Variants in MMS19 observed in about 807,000 individuals in gnomAD.
MMS19 encodes the protein MMS19 nucleotide excision repair protein homolog.
A neutral mutation model predicts 129.8 loss-of-function variants in MMS19; 77 were observed. The observed-to-expected ratio is 0.59, with a 90% confidence interval of 0.49 to 0.72. MMS19 has a LOEUF of 0.72. MMS19 is among the 30% of genes least tolerant of loss of function. The pLI, the probability that MMS19 is intolerant of heterozygous loss-of-function variation, is 0.00. For synonymous variants in MMS19, 491 were observed against 502.8 expected (o/e 0.98, Z 0.31); for missense variants, 1,168 against 1,266.3 (o/e 0.92, Z 1.18).
At chr10:97,481,575 AG>A (rs2135443716) in intron 2 of MMS19, among the ~76,000 whole-genome samples, 1 of 152,338 alleles carries the variant, frequency 6.6e-6, no homozygotes, top group South Asian at 2.1e-4. Context: ...AAGGTTACAA[AG>A]TAAGAGGGCC....
At chr10:97,494,346 C>T (rs926108305) in intron 1 of MMS19, among the ~76,000 whole-genome samples, 19 of 152,132 alleles carry the variant, frequency 1.2e-4, no homozygotes, top group Non-Finnish European at 2.1e-4. Flanking sequence ...AATGCACAAA[C>T]AGATCTCTGT....
intron 2 of MMS19, among the ~76,000 whole-genome samples, chr10:97,483,689 AG>A (rs1212721007): frequency 2.0e-5 from 3 of 152,240 alleles, no homozygotes; most frequent in African/African-American, 7.2e-5. Flanking sequence ...GATCTGCAGC[AG>A]GGTCAGCCTC....
chr10:97,491,945 A>G (rs760881026), intron 1 of MMS19, among the ~76,000 whole-genome samples: 106 of 151,194 alleles, frequency 7.0e-4, no homozygotes, highest in Admixed American at 1.2e-3. Flanking sequence ...GTTTGAGACC[A>G]GTCTGGCCAA....
Position 97,476,890 on chromosome 10 carries a change from A to T in MMS19, c.567T>A (p.Asn189Lys). Residue 189 changes from asparagine (N) to lysine (K), a missense_variant, in exon 7 of 31, where the codon AAT becomes AAA. Asn to Lys is a moderately conservative substitution (Grantham distance 94, BLOSUM62 0). Around this residue, in one of 3 missense-constraint regions of MMS19, gnomAD observed 329 missense variants for 328.6 expected, o/e 1.00. Transcript: ENST00000438925. ...QVMDGEKDPR[N>K]LLVAFRIVHD... ...GGACGATGCGGAAGGCCACCAGAAGATTACGGGGATCCTTTTCCCCATCCA... is the reference window on the plus strand; with the variant it reads ...GGACGATGCGGAAGGCCACCAGAAGTTTACGGGGATCCTTTTCCCCATCCA... The T allele has an allele frequency of 6.2e-7, 1 of 1,613,978 alleles. No individual in the cohort carries two copies. Among genetic ancestry groups the T allele is most frequent in the Non-Finnish European group, 8.5e-7 (1 of 1,179,882 alleles).
intron 2 of MMS19, among the ~76,000 whole-genome samples, chr10:97,483,364 A>C (rs2037235834): frequency 6.6e-6 from 1 of 152,070 alleles, no homozygotes; most frequent in Non-Finnish European, 1.5e-5. Context: ...AATACTGTAT[A>C]TATTTTTTTT....
At position 97,466,776 on chromosome 10, in the gene MMS19, C is replaced by T; in HGVS notation, c.1423G>A (p.Asp475Asn). ...RTLTVLGAQP[D>N]LLSYEDLELA... ...CTCTTCTCTTTCCCTTAAGATGTAC[C>T]TGGCTGGGCACCCAAGACTGTCAGT... is the stretch of plus-strand genomic sequence containing the variant. The change falls in exon 15 of 31, where the codon GAT becomes AAT. Residue 475 changes from aspartate to asparagine, a missense_variant and splice_region_variant. Coordinates refer to ENST00000438925, the MANE Select transcript of MMS19 (RefSeq NM_022362.5). 7.4e-6 allele frequency: 12 copies of T among 1,614,014 alleles called. No homozygotes were observed. Among genetic ancestry groups the T allele is most frequent in the South Asian group, 1.1e-5 (1 of 91,082 alleles).
chr10:97,475,461 G>A (rs1464360637), intron 8 of MMS19, among the ~76,000 whole-genome samples: 2 of 152,216 alleles, frequency 1.3e-5, no homozygotes, highest in East Asian at 1.9e-4. Context: ...TAAAGGCTGG[G>A]CATGGTGGCC....
Position 97,459,430 on chromosome 10 carries a change from G to T in MMS19, c.2836C>A (p.Gln946Lys). 6.2e-7 allele frequency: 1 copy of T among 1,609,658 alleles called. No individual in the cohort carries two copies. Residue 946 changes from glutamine to lysine, a missense_variant, in exon 28 of 31, where the codon CAA becomes AAA. Physicochemically the swap from Gln to Lys is moderately conservative, Grantham distance 53. Around this residue, in one of 3 missense-constraint regions of MMS19, gnomAD observed 831 missense variants for 910.8 expected, o/e 0.91. Transcript: ENST00000438925. ...GTGTCCACGTGAAGACTCATGACTT[G>T]GGGTGCTTCCAGTAGAAGAGGCTGA... The part of the protein sequence containing the change: ...CLQPLLLEAP[Q>K]VMSLHVDTLV...
intron 26 of MMS19, 26 bp downstream of exon 26, chr10:97,460,020 T>C: frequency 4.3e-6 from 7 of 1,609,550 alleles, no homozygotes; most frequent in Non-Finnish European, 5.9e-6. Flanking sequence ...TGTGTATATG[T>C]GGGGACCTTC....
intron 29 of MMS19, 76 bp from the exon 30 acceptor site, chr10:97,458,976 C>A: frequency 7.0e-7 from 1 of 1,430,254 alleles, no homozygotes; most frequent in Non-Finnish European, 9.7e-7. Context: ...TTCTGTACAA[C>A]TAATATTCTG....
intron 22 of MMS19, 21 bp downstream of exon 22, chr10:97,461,807 T>C (rs763773924): frequency 6.2e-7 from 1 of 1,601,942 alleles, no homozygotes; most frequent in African/African-American, 1.3e-5. Context: ...ATAACAGTAC[T>C]TCCCAAATGT....
intron 8 of MMS19, among the ~76,000 whole-genome samples, chr10:97,473,806 T>C (rs1252723070): frequency 2.0e-5 from 3 of 151,960 alleles, no homozygotes; most frequent in Non-Finnish European, 4.4e-5. Flanking sequence ...AACAGCAGAG[T>C]TGAGGAGACC....
At chr10:97,498,778 G>GCGGCGGCGCGGGCACCGC (rs2040262558), upstream of MMS19, 1 of 270,562 alleles carries the variant, frequency 3.7e-6, no homozygotes, top group East Asian at 8.1e-5. Context: ...GCGGGTGGTG[G>GCGGCGGCGCGGGCACCGC]CGGCGGCGCG....
chr10:97,483,306 G>A (rs1422716065), intron 2 of MMS19, among the ~76,000 whole-genome samples: 2 of 151,974 alleles, frequency 1.3e-5, no homozygotes, highest in African/African-American at 4.8e-5. Flanking sequence ...CACCTTCTTC[G>A]GCCTCTCAAA....
At chr10:97,488,593 C>T (rs2038321735) in intron 1 of MMS19, among the ~76,000 whole-genome samples, 1 of 152,208 alleles carries the variant, frequency 6.6e-6, no homozygotes, top group Admixed American at 6.5e-5. Context: ...TTTAAATCAT[C>T]TCTAGATTAC....
In MMS19 at chr10:97,461,838, A is replaced by C; in HGVS notation, c.2174T>G (p.Leu725Arg). The change falls in exon 22 of 31, where the codon CTG (leucine) becomes CGG (arginine). Residue 725 changes from leucine to arginine, a missense_variant. Around this residue, in one of 3 missense-constraint regions of MMS19, gnomAD observed 831 missense variants for 910.8 expected, o/e 0.91. Transcript: ENST00000438925. ...AATGTGCTCACTTACATTTCGAGGCAGGGAGCAGACAAAGGCCATAAGCAG... is the reference window on the plus strand; with the variant it reads ...AATGTGCTCACTTACATTTCGAGGCCGGGAGCAGACAAAGGCCATAAGCAG... ...IALLMAFVCS[L>R]PRNVEIPQLN... The C allele has an allele frequency of 6.2e-7, 1 of 1,609,504 alleles. No individual in the cohort carries two copies. The highest frequency in any genetic ancestry group is 8.5e-7 in the Non-Finnish European group (1 of 1,177,980).
Position 97,477,841 on chromosome 10 carries a change from C to T in MMS19, c.423+14G>A, listed in dbSNP as rs1564667280. 3 of 1,581,900 alleles carry T rather than the reference C, an allele frequency of 1.9e-6. No homozygotes were observed. Among genetic ancestry groups the T allele is most frequent in the Non-Finnish European group, 2.6e-6 (3 of 1,164,672 alleles). ...GAGACAGAGGAGAATACCAACATGA[C>T]TGTTATCCCTCACCTGTACATGCAC... On this transcript the variant is annotated intron_variant, in intron 5 of 30. Coordinates refer to ENST00000438925, the MANE Select transcript of MMS19 (RefSeq NM_022362.5).
chr10:97,461,449 T>C (rs1326572659), intron 23 of MMS19, 47 bp downstream of exon 23: 7 of 1,594,528 alleles, frequency 4.4e-6, no homozygotes, highest in Non-Finnish European at 6.0e-6. Context: ...TAAGATTTCA[T>C]GGGTAGTTGA....
At chr10:97,491,427 G>A (rs573170670) in intron 1 of MMS19, among the ~76,000 whole-genome samples, 1 of 152,348 alleles carries the variant, frequency 6.6e-6, no homozygotes, top group Admixed American at 6.5e-5. Flanking sequence ...AGCACTCTGG[G>A]AGGACGAGGT....
Sources: allele counts gnomAD v4.1 joint callset (sites outside exome capture counted in the v4.1 genomes callset), GRCh38; gene constraint gnomAD v4.1.1; regional missense constraint gnomAD v4.1.1; transcripts MANE v1.5; gene names NCBI Gene and HGNC (gene_info 2026-07-23, HGNC 2026-07-21).